The following ZNF81 variants were observed in gnomAD, a reference collection of about 807,000 sequenced individuals.
The protein encoded by ZNF81 is zinc finger protein 81.
Under a neutral mutation model 32.3 loss-of-function variants are expected in ZNF81, and 5 were observed. The ratio of observed to expected loss-of-function variants is 0.15; its 90% CI spans 0.08 to 0.33. ZNF81 has a LOEUF of 0.33. Ranked by LOEUF, ZNF81 falls within the 10% of genes least tolerant of loss-of-function variation. ZNF81 has a pLI of 1.00. For synonymous variants in ZNF81, 163 were observed against 166.8 expected, an observed-to-expected ratio of 0.98 and a Z score of 0.17; for missense variants, 379 against 479.8, an observed-to-expected ratio of 0.79 and a Z score of 1.96.
intron 2 of ZNF81, among the ~76,000 whole-genome samples, chrX:47,857,946 CT>C (rs1278278719): frequency 9.0e-6 from 1 of 111,004 alleles, no homozygotes; most frequent in East Asian, 2.8e-4. Flanking sequence ...ATGCCAACCC[CT>C]GACCCTCAAT....
At chrX:47,852,131 A>G (rs531934276) in intron 2 of ZNF81, among the ~76,000 whole-genome samples, 100 of 112,746 alleles carry the variant, frequency 8.9e-4, no homozygotes, top group Middle Eastern at 4.6e-3. Flanking sequence ...AGTGTACAAT[A>G]GCATTATGTC....
At chrX:47,872,051 CAG>C (rs1250832960) in intron 2 of ZNF81, among the ~76,000 whole-genome samples, 5 of 112,308 alleles carry the variant, frequency 4.5e-5, no homozygotes, top group Non-Finnish European at 7.5e-5. Flanking sequence ...GGGACCAAAT[CAG>C]AACATTTGGA....
At chrX:47,904,140 C>T (rs2058710615) in intron 4 of ZNF81, among the ~76,000 whole-genome samples, 1 of 112,007 alleles carries the variant, frequency 8.9e-6, no homozygotes, top group Admixed American at 9.5e-5. Context: ...CCATTCAGGA[C>T]ATAGGCACGG....
At chrX:47,882,680 GTTTAAC>G (rs1569384183) in intron 2 of ZNF81, among the ~76,000 whole-genome samples, 4 of 113,043 alleles carry the variant, frequency 3.5e-5, no homozygotes, top group African/African-American at 1.3e-4. Context: ...GTAGGTATAT[GTTTAAC>G]TTTATTAGAA....
chrX:47,851,697 A>G (rs1262196261), intron 2 of ZNF81, among the ~76,000 whole-genome samples: 1 of 112,117 alleles, frequency 8.9e-6, no homozygotes, highest in Non-Finnish European at 1.9e-5. Flanking sequence ...TTGTTTATGA[A>G]TCTTTTCTGT....
chrX:47,841,478 T>C (rs1164990244), intron 1 of ZNF81: 1 of 1,048,188 alleles, frequency 9.5e-7, no homozygotes, highest in East Asian at 3.0e-5. Flanking sequence ...GGCATGAGGT[T>C]TCACTTCTAG....
At chrX:47,881,565 A>G (rs2058620880) in intron 2 of ZNF81, among the ~76,000 whole-genome samples, 1 of 111,325 alleles carries the variant, frequency 9.0e-6, no homozygotes, top group African/African-American at 3.3e-5. Flanking sequence ...TCTTTACTTA[A>G]TTCACCATGT....
At chrX:47,844,265 GA>G (rs2058462036) in intron 1 of ZNF81, among the ~76,000 whole-genome samples, 1 of 111,907 alleles carries the variant, frequency 8.9e-6, no homozygotes, top group East Asian at 2.8e-4. Flanking sequence ...TCTAATTTTA[GA>G]ACCTTTTCAA....
In ZNF81 at chrX:47,917,510, T is replaced by A. The variant is rs782380472; in HGVS notation, c.*878T>A. ...GCTTGAGAAGTGTGCAAAGCCTGCC[T>A]TGAAGCTTACCCTCTCTTGCTGCTC... On this transcript the variant is annotated 3_prime_UTR_variant, in exon 5 of 5. Transcript: ENST00000338637. 1.5e-5 allele frequency: 4 copies of A among 273,112 alleles called. No homozygotes were observed. Among genetic ancestry groups the A allele is most frequent in the Non-Finnish European group, 1.9e-5 (3 of 155,314 alleles). The allele number at this position is 273,112 out of a possible 1,213,427, so 22.5% of individuals were successfully genotyped here. A position where few individuals can be genotyped will look rare whatever the true frequency, so the allele number is the denominator to read the frequency against.
rs781904297 is a variant in ZNF81, at chrX:47,920,667, A to G, written c.*4035A>G. The G allele has an allele frequency of 1.8e-5, 2 of 109,792 alleles. No individual in the cohort carries two copies. The highest frequency in any genetic ancestry group is 3.3e-5 in the African/African-American group (1 of 30,078). 9.0% of individuals were successfully genotyped at this position (109,792 alleles called of 1,213,427 possible). ...TTCATTGGAGCTTTGTGCCATTTCT[A>G]TGTTAACAGCAGCCCCCTTGCAGGC... On this transcript the variant is annotated 3_prime_UTR_variant, in exon 5 of 5. Coordinates refer to ENST00000338637, the MANE Select transcript of ZNF81 (RefSeq NM_007137.5).
intron 1 of ZNF81, among the ~76,000 whole-genome samples, chrX:47,844,862 G>A (rs908685454): frequency 6.2e-5 from 7 of 112,280 alleles, no homozygotes; most frequent in Admixed American, 9.4e-5. Context: ...TTCTTCTTAT[G>A]TTAGCCATTT....
At chrX:47,905,645 T>C (rs2058718920) in intron 4 of ZNF81, among the ~76,000 whole-genome samples, 1 of 110,855 alleles carries the variant, frequency 9.0e-6, no homozygotes, top group South Asian at 3.8e-4. Context: ...CATAGAAGTT[T>C]AAAAATTTTT....
intron 2 of ZNF81, among the ~76,000 whole-genome samples, chrX:47,878,264 G>A (rs2058607356): frequency 8.9e-6 from 1 of 111,773 alleles, no homozygotes; most frequent in African/African-American, 3.3e-5. Context: ...AAAGGGTTGG[G>A]AACTGCACCT....
chrX:47,852,154 A>G (rs1331897432), intron 2 of ZNF81, among the ~76,000 whole-genome samples: 2 of 112,618 alleles, frequency 1.8e-5, no homozygotes, highest in East Asian at 5.5e-4. Context: ...AAAACAGTGT[A>G]TATACCTTAA....
At chrX:47,845,292 T>C (rs782442098) in intron 1 of ZNF81, among the ~76,000 whole-genome samples, 114 of 111,600 alleles carry the variant, frequency 1.0e-3, no homozygotes, top group Middle Eastern at 4.6e-3. Flanking sequence ...CCTCTAATAA[T>C]TGATCAGAAT....
intron 2 of ZNF81, among the ~76,000 whole-genome samples, chrX:47,865,706 C>G (rs1217452869): frequency 8.9e-6 from 1 of 111,745 alleles, no homozygotes; most frequent in Non-Finnish European, 1.9e-5. Flanking sequence ...GTCTCCCATA[C>G]CTAAAGCATC....
rs2058779535 is a variant in ZNF81, at chrX:47,922,255, A to C, written c.*5623A>C. 1.8e-5 allele frequency: 2 copies of C among 112,187 alleles called. No individual in the cohort carries two copies. The allele number at this position is 112,187 out of a possible 1,213,427, so 9.2% of individuals were successfully genotyped here. A position where few individuals can be genotyped will look rare whatever the true frequency, so the allele number is the denominator to read the frequency against. On this transcript the variant is annotated 3_prime_UTR_variant, in exon 5 of 5. Coordinates refer to ENST00000338637, the MANE Select transcript of ZNF81 (RefSeq NM_007137.5). ...TCTGTGCTCATAATCATATATAGAC[A>C]TACATACGTTCCCATGCTTGTAATC...
chrX:47,853,209 G>A (rs979054906), intron 2 of ZNF81, among the ~76,000 whole-genome samples: 10 of 105,656 alleles, frequency 9.5e-5, no homozygotes, highest in Admixed American at 2.1e-4. Flanking sequence ...ATGGAGTCTC[G>A]CTCTGTTACC....
chrX:47,883,990 G>A (rs1556885444), intron 2 of ZNF81, among the ~76,000 whole-genome samples: 2 of 110,865 alleles, frequency 1.8e-5, no homozygotes, highest in Non-Finnish European at 1.9e-5. Flanking sequence ...GCTCATGCCT[G>A]TAATCCCAGC....
Sources: allele counts gnomAD v4.1 joint callset (sites outside exome capture counted in the v4.1 genomes callset), GRCh38; gene constraint gnomAD v4.1.1; transcripts MANE v1.5; gene names NCBI Gene and HGNC (gene_info 2026-07-23, HGNC 2026-07-21).